EML1: variants seen among roughly 807,000 people sequenced by gnomAD.
EML1 encodes echinoderm microtubule-associated protein-like 1.
In EML1, 27 loss-of-function variants were observed where a neutral mutation model predicts 110.4. The observed-to-expected ratio is 0.24, with a 90% CI of 0.18 to 0.34. The LOEUF is 0.34. Among genes scored for constraint, EML1 ranks in the 10% least tolerant of loss-of-function variants. EML1 has a pLI of 1.00. For missense variants in EML1, 741 were observed against 1,030.9 expected (o/e 0.72, Z 3.85); for synonymous variants, 344 against 385.8 (o/e 0.89, Z 1.27).
rs115057004 is a variant in EML1, at chr14:99,760,252, G to A, written c.28+22392G>A. On this transcript the variant is annotated intron_variant, in intron 1 of 10. Transcript: ENST00000554479. ...GAAATCAGCTGTCGTCCCTTCTCCC[G>A]GAAACTCAGCCCTGTCAGCCACATG... Among the ~76,000 whole-genome samples the A allele has an allele frequency of 2.5e-3, 386 of 152,120 alleles. 1 individual carries two copies. Among genetic ancestry groups the A allele is most frequent in the African/African-American group, 8.9e-3 (369 of 41,474 alleles).
chr14:99,749,749 G>A (rs2057154078), intron 1 of EML1, among the ~76,000 whole-genome samples: 1 of 152,226 alleles, frequency 6.6e-6, no homozygotes, highest in Non-Finnish European at 1.5e-5. Context: ...TTCTGCTGGA[G>A]CTCTGATGCT....
At chr14:99,790,658 T>C (rs943372389), upstream of EML1, among the ~76,000 whole-genome samples, 1 of 152,132 alleles carries the variant, frequency 6.6e-6, no homozygotes, top group Non-Finnish European at 1.5e-5. Flanking sequence ...AATAGACAGA[T>C]GGGAAATGAG....
At chr14:99,923,906 G>A (rs944041958) in intron 17 of EML1, among the ~76,000 whole-genome samples, 6 of 152,080 alleles carry the variant, frequency 3.9e-5, no homozygotes, top group South Asian at 2.1e-4. Flanking sequence ...GTCTCACTTC[G>A]GCCTCCCAAA....
intron 1 of EML1, among the ~76,000 whole-genome samples, chr14:99,739,087 T>TGA (rs1183154296): frequency 0.02 from 2,588 of 127,522 alleles, 84 homozygotes; most frequent in African/African-American, 0.085. Context: ...TGTGTGTGTG[T>TGA]GTGTGAGAGA....
intron 1 of EML1, among the ~76,000 whole-genome samples, chr14:99,753,338 T>A (rs918744264): frequency 4.6e-5 from 7 of 151,252 alleles, no homozygotes; most frequent in African/African-American, 1.7e-4. Context: ...AGTCCGAACC[T>A]CCTGGCCTGG....
intron 1 of EML1, among the ~76,000 whole-genome samples, chr14:99,818,434 A>G (rs1202061096): frequency 6.6e-6 from 1 of 152,200 alleles, no homozygotes; most frequent in African/African-American, 2.4e-5. Flanking sequence ...GGATTTGATG[A>G]TTGATTCAAT....
chr14:99,813,807 A>G (rs1198391752), intron 1 of EML1, among the ~76,000 whole-genome samples: 1 of 152,178 alleles, frequency 6.6e-6, no homozygotes, highest in East Asian at 1.9e-4. Context: ...CAACAATTTC[A>G]TCAACTCAAT....
intron 1 of EML1, among the ~76,000 whole-genome samples, chr14:99,812,349 G>C (rs2058094375): frequency 6.6e-6 from 1 of 151,780 alleles, no homozygotes; most frequent in Non-Finnish European, 1.5e-5. Flanking sequence ...GAAACAGCTG[G>C]ACATACACTG....
At chr14:99,780,452 T>A (rs2057527254) in intron 1 of EML1, among the ~76,000 whole-genome samples, 1 of 152,178 alleles carries the variant, frequency 6.6e-6, no homozygotes, top group Non-Finnish European at 1.5e-5. Context: ...GTACCTCCCC[T>A]TTTCCTATTT....
At chr14:99,894,921 T>A (rs2139999132) in intron 6 of EML1, among the ~76,000 whole-genome samples, 163 bp downstream of exon 6, 1 of 152,364 alleles carries the variant, frequency 6.6e-6, no homozygotes. Flanking sequence ...TGACTATATG[T>A]TAGAGACCTA....
chr14:99,785,220 A>G (rs1383098433), intron 1 of EML1, among the ~76,000 whole-genome samples: 1 of 151,972 alleles, frequency 6.6e-6, no homozygotes, highest in East Asian at 1.9e-4. Context: ...ATGACTGGCT[A>G]TTTTTTGTAT....
chr14:99,893,580 T>C (rs2139995019), intron 5 of EML1, among the ~76,000 whole-genome samples: 1 of 152,364 alleles, frequency 6.6e-6, no homozygotes, highest in African/African-American at 2.4e-5. Context: ...TAATACTGCA[T>C]GTGGCATTGT....
chr14:99,766,592 A>G (rs1329845322), intron 1 of EML1, among the ~76,000 whole-genome samples: 1 of 152,146 alleles, frequency 6.6e-6, no homozygotes, highest in Admixed American at 6.5e-5. Flanking sequence ...GCTGAGGAAG[A>G]CTATTGTATT....
chr14:99,865,356 C>G, intron 2 of EML1, among the ~76,000 whole-genome samples, 158 bp from the exon 3 acceptor site: 1 of 152,204 alleles, frequency 6.6e-6, no homozygotes, highest in Non-Finnish European at 1.5e-5. Flanking sequence ...TGATGGGTAG[C>G]AACCGTAAAT....
At chr14:99,763,338 T>A (rs377347883) in intron 1 of EML1, among the ~76,000 whole-genome samples, 2 of 152,198 alleles carry the variant, frequency 1.3e-5, no homozygotes, top group East Asian at 3.8e-4. Flanking sequence ...ATAAATATAC[T>A]CACCGCTTCT....
intron 1 of EML1, among the ~76,000 whole-genome samples, chr14:99,825,156 G>A (rs1595345877): frequency 6.6e-6 from 1 of 152,002 alleles, no homozygotes; most frequent in East Asian, 1.9e-4. Context: ...GCTAGTTTTT[G>A]TATTGTTTTG....
At position 99,850,008 on chromosome 14, in the gene EML1, A is replaced by G. The variant is rs182164370; in HGVS notation, c.68-845A>G. Reference sequence around the variant, plus strand: ...CAGTGGTGCAATCTCAGCTCACTGCAGCCTTGACCTCTCGGGCCCCAAGAA... The same window carrying G: ...CAGTGGTGCAATCTCAGCTCACTGCGGCCTTGACCTCTCGGGCCCCAAGAA... On this transcript the variant is annotated intron_variant, in intron 1 of 21. Coordinates refer to ENST00000262233, the MANE Select transcript of EML1 (RefSeq NM_004434.3). 1.9e-3 allele frequency: 546 copies of G among 284,778 alleles called. 3 individuals carry two copies. Among genetic ancestry groups the G allele is most frequent in the Middle Eastern group, 0.018 (14 of 766 alleles). 17.6% of individuals were successfully genotyped at this position (284,778 alleles called of 1,614,324 possible).
At chr14:99,828,046 T>TA (rs1228267163) in intron 1 of EML1, among the ~76,000 whole-genome samples, 9 of 152,224 alleles carry the variant, frequency 5.9e-5, no homozygotes, top group Admixed American at 5.2e-4. Context: ...GTTTGAGAGT[T>TA]AGAGTTCTTT....
chr14:99,865,749 G>A, intron 3 of EML1, 103 bp downstream of exon 3: 1 of 1,401,326 alleles, frequency 7.1e-7, no homozygotes, highest in South Asian at 1.5e-5. Context: ...TTTCTTCTGT[G>A]AGTTAAAGCT....
Sources: allele counts gnomAD v4.1 joint callset (sites outside exome capture counted in the v4.1 genomes callset), GRCh38; gene constraint gnomAD v4.1.1; transcripts MANE v1.5; gene names NCBI Gene and HGNC (gene_info 2026-07-23, HGNC 2026-07-21).